SLC15A4: variants seen among roughly 807,000 people sequenced by gnomAD.
SLC15A4 encodes solute carrier family 15 member 4.
SLC15A4 carries 26 observed loss-of-function variants against 46.1 expected under a neutral mutation model. That is an observed-to-expected ratio of 0.56 (90% confidence interval 0.41 to 0.78). The LOEUF is 0.78. SLC15A4 is among the 30% of genes least tolerant of loss of function. The probability of loss-of-function intolerance (pLI) is 0.00; values close to 1 mark genes in which losing one functional copy is unlikely to be tolerated. For synonymous variants in SLC15A4, 370 were observed against 333.4 expected (o/e 1.11, Z -1.20); for missense variants, 751 against 755.7 (o/e 0.99, Z 0.07).
intron 5 of SLC15A4, among the ~76,000 whole-genome samples, chr12:128,805,647 C>G (rs1361615722): frequency 6.6e-6 from 1 of 152,158 alleles, no homozygotes; most frequent in Non-Finnish European, 1.5e-5. Flanking sequence ...ATTCTCATAT[C>G]TCAGCCTCCG....
chr12:128,806,981 G>A (rs1295466618), intron 5 of SLC15A4, among the ~76,000 whole-genome samples: 3 of 139,946 alleles, frequency 2.1e-5, no homozygotes, highest in Admixed American at 1.6e-4. Flanking sequence ...TCGGCTCACT[G>A]CAACCTCCAC....
intron 6 of SLC15A4, 165 bp downstream of exon 6, chr12:128,800,689 A>T: frequency 1.6e-6 from 1 of 620,464 alleles, no homozygotes; most frequent in Non-Finnish European, 2.7e-6. Flanking sequence ...GAACCTCAGC[A>T]CTGGTGTGTT....
chr12:128,823,498 G>T lies in SLC15A4; in HGVS notation c.446C>A (p.Ala149Asp). ...GGTGGCCGGTGAGCAGCAGCGGGCG[G>T]CGGCGTCGGGACCAGGCGCCGTGCA... ...LNCTAPGPDA[A>D]ARCCSPATFA... Residue 149 changes from alanine to aspartate, a missense_variant, in exon 1 of 8, where the codon GCC becomes GAC. Ala to Asp is a moderately radical substitution (Grantham distance 126). Coordinates refer to ENST00000266771, the MANE Select transcript of SLC15A4 (RefSeq NM_145648.4). The T allele has an allele frequency of 6.7e-7, 1 of 1,484,706 alleles. No individual in the cohort carries two copies. The highest frequency in any genetic ancestry group is 8.9e-7 in the Non-Finnish European group (1 of 1,124,590). 92.0% of individuals were successfully genotyped at this position (1,484,706 alleles called of 1,614,324 possible).
chr12:128,798,495 A>G (rs369012851), intron 7 of SLC15A4, among the ~76,000 whole-genome samples: 1 of 152,236 alleles, frequency 6.6e-6, no homozygotes, highest in Non-Finnish European at 1.5e-5. Flanking sequence ...AAAAGTCCCT[A>G]AACGTTCACC....
chr12:128,812,658 C>A (rs1955675777), intron 2 of SLC15A4, among the ~76,000 whole-genome samples: 1 of 152,168 alleles, frequency 6.6e-6, no homozygotes, highest in African/African-American at 2.4e-5. Flanking sequence ...ACAGTGGTCA[C>A]CACTGACAGG....
intron 7 of SLC15A4, among the ~76,000 whole-genome samples, chr12:128,794,676 C>T (rs1955424999): frequency 6.6e-6 from 1 of 152,150 alleles, no homozygotes; most frequent in Admixed American, 6.5e-5. Context: ...GGTAGCTCCC[C>T]AGTACTCAGG....
intron 2 of SLC15A4, 157 bp downstream of exon 2, chr12:128,814,618 C>T: frequency 1.3e-6 from 1 of 742,068 alleles, no homozygotes; most frequent in Non-Finnish European, 2.2e-6. Context: ...CCGCACCCGC[C>T]TCCTTGGGGA....
At chr12:128,819,187 T>A (rs1168501276) in intron 1 of SLC15A4, among the ~76,000 whole-genome samples, 1 of 152,110 alleles carries the variant, frequency 6.6e-6, no homozygotes, top group East Asian at 1.9e-4. Flanking sequence ...GTGGATCACC[T>A]GAGGTCAGGA....
chr12:128,804,039 C>A (rs1955549875), intron 5 of SLC15A4, among the ~76,000 whole-genome samples: 1 of 152,194 alleles, frequency 6.6e-6, no homozygotes, highest in South Asian at 2.1e-4. Flanking sequence ...GAGTTTAAGA[C>A]TCCTGCTGTA....
At chr12:128,819,034 A>T (rs919128837) in intron 1 of SLC15A4, among the ~76,000 whole-genome samples, 3 of 152,158 alleles carry the variant, frequency 2.0e-5, no homozygotes. Context: ...AAAAATTCCA[A>T]ATGTATAGAA....
intron 7 of SLC15A4, among the ~76,000 whole-genome samples, chr12:128,797,249 G>A (rs1475488417): frequency 2.0e-5 from 3 of 151,894 alleles, no homozygotes; most frequent in Admixed American, 6.6e-5. Context: ...GTGACGGCTC[G>A]TACGAAGGAG....
intron 2 of SLC15A4, among the ~76,000 whole-genome samples, chr12:128,812,054 T>G (rs944546521): frequency 6.6e-6 from 1 of 152,164 alleles, no homozygotes; most frequent in Non-Finnish European, 1.5e-5. Flanking sequence ...GTGTGTGTAT[T>G]CTCCAGGAAA....
intron 1 of SLC15A4, among the ~76,000 whole-genome samples, chr12:128,817,196 T>A (rs1037596309): frequency 6.6e-6 from 1 of 152,182 alleles, no homozygotes; most frequent in Non-Finnish European, 1.5e-5. Flanking sequence ...AATGCAGACA[T>A]CTCTACTGAA....
chr12:128,808,578 T>C (rs1486387776), intron 5 of SLC15A4, among the ~76,000 whole-genome samples: 2 of 152,210 alleles, frequency 1.3e-5, no homozygotes, highest in Admixed American at 6.5e-5. Context: ...CCAATGGTTT[T>C]AGTACCAGCA....
At chr12:128,806,195 A>G (rs1214860429) in intron 5 of SLC15A4, among the ~76,000 whole-genome samples, 3 of 146,902 alleles carry the variant, frequency 2.0e-5, no homozygotes, top group South Asian at 4.3e-4. Flanking sequence ...AAAACCTATT[A>G]CAAAAATGGG....
chr12:128,815,746 G>A (rs548519036), intron 1 of SLC15A4: 109 of 152,494 alleles, frequency 7.1e-4, no homozygotes, highest in African/African-American at 2.1e-3. Flanking sequence ...ACTGAATCAC[G>A]GTCTCTGGGG....
intron 5 of SLC15A4, among the ~76,000 whole-genome samples, chr12:128,804,528 G>C (rs1307306157): frequency 6.6e-6 from 1 of 152,148 alleles, no homozygotes; most frequent in Non-Finnish European, 1.5e-5. Flanking sequence ...TCAGGAGTTC[G>C]AGACCAACTT....
intron 1 of SLC15A4, among the ~76,000 whole-genome samples, chr12:128,821,316 C>A (rs1192813348): frequency 6.6e-6 from 1 of 152,200 alleles, no homozygotes; most frequent in African/African-American, 2.4e-5. Context: ...CACCTCATGT[C>A]CCTAATGTCA....
At chr12:128,796,137 C>T (rs1474327569) in intron 7 of SLC15A4, among the ~76,000 whole-genome samples, 1 of 152,116 alleles carries the variant, frequency 6.6e-6, no homozygotes, top group Non-Finnish European at 1.5e-5. Flanking sequence ...ATATAATACA[C>T]GTCTGGGCCA....
Sources: allele counts gnomAD v4.1 joint callset (sites outside exome capture counted in the v4.1 genomes callset), GRCh38; gene constraint gnomAD v4.1.1; transcripts MANE v1.5; gene names NCBI Gene and HGNC (gene_info 2026-07-23, HGNC 2026-07-21).